The following ALDOA variants were observed in gnomAD, a reference collection of about 807,000 sequenced individuals.
The protein encoded by ALDOA is fructose-bisphosphate aldolase A.
ALDOA carries 26 observed loss-of-function variants against 43.9 expected under a neutral mutation model. The ratio of observed to expected loss-of-function variants is 0.59; its 90% CI spans 0.43 to 0.82. ALDOA has a LOEUF of 0.82. Ranked by LOEUF, ALDOA falls within the 40% of genes least tolerant of loss-of-function variation. ALDOA has a pLI of 0.00. For synonymous variants in ALDOA, 258 were observed against 222.6 expected (o/e 1.16, Z -1.42); for missense variants, 498 against 549.5 (o/e 0.91, Z 0.94).
intron 4 of ALDOA, 95 bp from the exon 5 acceptor site, chr16:30,068,551 T>C (rs1040679351): frequency 3.5e-5 from 48 of 1,362,458 alleles, no homozygotes; most frequent in Non-Finnish European, 4.9e-5. Context: ...TTCAGTGAGC[T>C]GAGATTCCAC....
intron 7 of ALDOA, 37 bp from the exon 8 acceptor site, chr16:30,069,462 C>T: frequency 6.2e-7 from 1 of 1,613,994 alleles, no homozygotes; most frequent in Non-Finnish European, 8.5e-7. Context: ...ATCCTCTCCT[C>T]CACCCCACTA....
At chr16:30,064,446 C>G, upstream of ALDOA, 1 of 398,742 alleles carries the variant, frequency 2.5e-6, no homozygotes, top group Non-Finnish European at 4.4e-6. Flanking sequence ...AGATTTATTT[C>G]TCTTGACAAC....
In ALDOA at chr16:30,066,973, C is replaced by T; in HGVS notation, c.76C>T (p.Pro26Ser). 3 of 1,554,590 alleles carry T rather than the reference C, an allele frequency of 1.9e-6. No homozygotes were observed. Among genetic ancestry groups the T allele is most frequent in the Non-Finnish European group, 2.6e-6 (3 of 1,149,522 alleles). Residue 26 changes from proline to serine, a missense_variant, in exon 2 of 10, where the codon CCA becomes TCA. Physicochemically the swap from Pro to Ser is moderately conservative, Grantham distance 74. Transcript: ENST00000642816. ...LSMAMAFSFP[P>S]VASGQLHPQL... ...CATGGCTATGGCCTTTTCCTTTCCC[C>T]CAGTTGCCAGTGGGCAACTCCACCC...
chr16:30,065,019 G>C (rs370908261), upstream of ALDOA, among the ~76,000 whole-genome samples: 21 of 152,386 alleles, frequency 1.4e-4, no homozygotes, highest in African/African-American at 4.6e-4. Flanking sequence ...AGCGGCCGGT[G>C]CATAGCCGCG....
Position 30,067,020 on chromosome 16 carries a change from CCAGA to C in ALDOA, c.128_131del (p.Thr43SerfsTer2). ...ACCCTCAGCTGGGCAACACCCAGCACCAGACAGAGTTAGGAAAGGTACAGGGGCA... is the reference window on the plus strand; with the variant it reads ...ACCCTCAGCTGGGCAACACCCAGCACCAGAGTTAGGAAAGGTACAGGGGCA... On this transcript the variant is annotated frameshift_variant, in exon 2 of 10. Coordinates refer to ENST00000642816, the MANE Select transcript of ALDOA (RefSeq NM_001243177.4). LOFTEE classifies it high-confidence loss of function. 1.9e-6 allele frequency: 3 copies of C among 1,574,926 alleles called. No individual in the cohort carries two copies. Among genetic ancestry groups the C allele is most frequent in the Non-Finnish European group, 2.6e-6 (3 of 1,161,176 alleles).
chr16:30,067,982 G>T (rs966133278), intron 4 of ALDOA: 3 of 410,704 alleles, frequency 7.3e-6, no homozygotes, highest in African/African-American at 6.0e-5. Context: ...TGTCTCAGAG[G>T]ATTGTTACTA....
At chr16:30,069,248 A>T in intron 6 of ALDOA, 58 bp from the exon 7 acceptor site, 1 of 1,564,236 alleles carries the variant, frequency 6.4e-7, no homozygotes, top group Non-Finnish European at 8.8e-7. Context: ...CTGTGGAGAG[A>T]TGTAGGTGGG....
intron 4 of ALDOA, 23 bp from the exon 5 acceptor site, chr16:30,068,623 T>C (rs769905899): frequency 1.2e-6 from 2 of 1,613,748 alleles, no homozygotes; most frequent in African/African-American, 1.3e-5. Flanking sequence ...TGTGTCTTAA[T>C]GTTGTTACCC....
At chr16:30,066,357 GC>G (rs1023158590) in intron 1 of ALDOA, 3 of 152,528 alleles carry the variant, frequency 2.0e-5, no homozygotes, top group Non-Finnish European at 4.4e-5. Context: ...GGTGCTTGAT[GC>G]CCCCTTAACA....
intron 6 of ALDOA, 78 bp downstream of exon 6, chr16:30,069,056 T>C: frequency 6.3e-7 from 1 of 1,596,632 alleles, no homozygotes; most frequent in Non-Finnish European, 8.6e-7. Flanking sequence ...TTACCTGCCA[T>C]GATGCCTACC....
chr16:30,069,130 G>A, intron 6 of ALDOA, 152 bp downstream of exon 6: 2 of 1,371,070 alleles, frequency 1.5e-6, no homozygotes, highest in South Asian at 2.4e-5. Flanking sequence ...AAGGCAGAGG[G>A]GCCAAGGAGG....
chr16:30,067,392 G>A (rs746684326), intron 3 of ALDOA, 26 bp downstream of exon 3: 3 of 1,614,070 alleles, frequency 1.9e-6, no homozygotes, highest in Non-Finnish European at 2.5e-6. Flanking sequence ...AGAATGGGTG[G>A]AGGGTGCAGG....
In ALDOA at chr16:30,069,477, C is replaced by T. The variant is rs2151018642; in HGVS notation, c.787-22C>T. On this transcript the variant is annotated intron_variant, in intron 7 of 9. Transcript: ENST00000642816. Reference sequence around the variant, plus strand: ...ATCCTCTCCTCCACCCCACTACCCACCGTGCGCCTGCTCTGCTCCAGGTGC... The same window carrying T: ...ATCCTCTCCTCCACCCCACTACCCATCGTGCGCCTGCTCTGCTCCAGGTGC... 2.5e-6 allele frequency: 4 copies of T among 1,614,116 alleles called. No homozygotes were observed. In the East Asian group the frequency reaches 8.9e-5, roughly 36 times the overall value.
In ALDOA at chr16:30,069,566, C is replaced by T. The variant is rs2072241853; in HGVS notation, c.854C>T (p.Pro285Leu). ...HIYLEGTLLKPNMVTPGHACT... is the reference protein window; with the variant it reads ...HIYLEGTLLKLNMVTPGHACT... ...TACCTGGAAGGCACCTTGCTGAAGC[C>T]CAACATGGTCACCCCAGGCCATGCT... Residue 285 changes from proline to leucine, a missense_variant, in exon 8 of 10, where the codon CCC (proline) becomes CTC (leucine). By Grantham distance (98) the Pro-to-Leu change is moderately conservative. Transcript: ENST00000642816. 1 of 1,614,110 alleles carries T rather than the reference C, an allele frequency of 6.2e-7. No individual in the cohort carries two copies. Among genetic ancestry groups the T allele is most frequent in the East Asian group, 2.2e-5 (1 of 44,886 alleles).
In ALDOA at chr16:30,069,310, G is replaced by T. The variant is rs1377645073; in HGVS notation, c.707G>T (p.Gly236Val). The change falls in exon 7 of 10, where the codon GGC becomes GTC. Residue 236 changes from glycine to valine, a missense_variant. Gly to Val is a moderately radical substitution (Grantham distance 109). Transcript: ENST00000642816. ...ARYASICQQN[G>V]IVPIVEPEIL... ...ACCCTGTCCCTCGCCCTGCAGAATG[G>T]CATTGTGCCCATCGTGGAGCCTGAG... 1.2e-6 allele frequency: 2 copies of T among 1,614,070 alleles called. No individual in the cohort carries two copies. The highest frequency in any genetic ancestry group is 2.2e-5 in the South Asian group (2 of 91,086).
At chr16:30,068,785 C>T in intron 5 of ALDOA, 33 bp from the exon 6 acceptor site, 2 of 1,614,220 alleles carry the variant, frequency 1.2e-6, no homozygotes, top group Non-Finnish European at 1.7e-6. Context: ...ATGCCCCTCC[C>T]CACCGTGCTC....
intron 4 of ALDOA, 59 bp downstream of exon 4, chr16:30,067,720 G>A: frequency 1.3e-6 from 2 of 1,597,530 alleles, no homozygotes; most frequent in Non-Finnish European, 1.7e-6. Context: ...GGAAATCCAG[G>A]TTAGTGAGGC....
At chr16:30,069,126 G>T in intron 6 of ALDOA, 148 bp downstream of exon 6, 1 of 1,400,862 alleles carries the variant, frequency 7.1e-7, no homozygotes. Context: ...GTTGAAGGCA[G>T]AGGGGCCAAG....
At chr16:30,068,618 C>G (rs375858001) in intron 4 of ALDOA, 28 bp from the exon 5 acceptor site, 110 of 1,613,480 alleles carry the variant, frequency 6.8e-5, no homozygotes, top group Non-Finnish European at 8.3e-5. Context: ...TTTCCTGTGT[C>G]TTAATGTTGT....
Sources: gnomAD v4.1 joint callset for allele counts (sites outside exome capture counted in the v4.1 genomes callset) on GRCh38, gnomAD v4.1.1 for gene constraint, MANE v1.5 for transcripts, NCBI Gene and HGNC (gene_info 2026-07-23, HGNC 2026-07-21) for gene names.